The following ABCA1 variants were observed in gnomAD, a reference collection of about 807,000 sequenced individuals.
ABCA1 encodes the protein phospholipid-transporting ATPase ABCA1.
ABCA1 carries 133 observed loss-of-function variants against 262.5 expected under a neutral mutation model. That is an observed-to-expected ratio of 0.51 (90% CI 0.44 to 0.59). ABCA1 has a LOEUF of 0.59. ABCA1 is among the 20% of genes least tolerant of loss of function. The pLI, the probability that ABCA1 is intolerant of heterozygous loss-of-function variation, is 0.00. For missense variants in ABCA1, 2,452 were observed against 2,777.5 expected (o/e 0.88, Z 2.63); for synonymous variants, 1,022 against 1,043.5 (o/e 0.98, Z 0.40).
At chr9:104,887,845 G>A (rs1267320530) in intron 3 of ABCA1, among the ~76,000 whole-genome samples, 2 of 148,098 alleles carry the variant, frequency 1.4e-5, no homozygotes, top group African/African-American at 5.0e-5. Context: ...TCCTGCCTCA[G>A]CCTCCCCAGT....
intron 31 of ABCA1, among the ~76,000 whole-genome samples, 192 bp downstream of exon 31, chr9:104,806,049 G>A (rs941622875): frequency 1.3e-5 from 2 of 152,106 alleles, no homozygotes; most frequent in African/African-American, 4.8e-5. Flanking sequence ...AGGTTGCAGT[G>A]AGGCAAGATC....
chr9:104,865,515 C>CAAAAAA (rs925876847), intron 5 of ABCA1, among the ~76,000 whole-genome samples: 1 of 66,974 alleles, frequency 1.5e-5, no homozygotes, highest in African/African-American at 5.4e-5. Context: ...GACTCTGTCT[C>CAAAAAA]AAAAAAAAAA....
chr9:104,827,635 T>A (rs1278445326), intron 15 of ABCA1, among the ~76,000 whole-genome samples: 1 of 152,180 alleles, frequency 6.6e-6, no homozygotes, highest in Non-Finnish European at 1.5e-5. Flanking sequence ...CAAACTCTTG[T>A]GGATATTTTG....
intron 5 of ABCA1, among the ~76,000 whole-genome samples, chr9:104,865,958 C>T (rs913079103): frequency 2.6e-5 from 4 of 152,020 alleles, no homozygotes; most frequent in African/African-American, 9.7e-5. Flanking sequence ...GATAAGCAAG[C>T]CAAAAGGAGA....
At chr9:104,845,658 C>A in intron 7 of ABCA1, 89 bp from the exon 8 acceptor site, 16 of 902,350 alleles carry the variant, frequency 1.8e-5, no homozygotes, top group East Asian at 5.3e-5. Context: ...AAACTGTTCA[C>A]AATCTTGAGT....
chr9:104,810,971 A>G, intron 28 of ABCA1, 47 bp from the exon 29 acceptor site: 2 of 1,613,254 alleles, frequency 1.2e-6, no homozygotes, highest in Non-Finnish European at 1.7e-6. Flanking sequence ...GGAAACGGCA[A>G]GTGTTAGAAA....
chr9:104,825,981 T>A, intron 16 of ABCA1, 94 bp from the exon 17 acceptor site: 1 of 1,319,038 alleles, frequency 7.6e-7, no homozygotes, highest in East Asian at 2.4e-5. Flanking sequence ...AAATTTGAAT[T>A]TGCAAAATGG....
At chr9:104,791,085 C>T (rs911487430) in intron 43 of ABCA1, 57 bp from the exon 44 acceptor site, 1 of 1,221,122 alleles carries the variant, frequency 8.2e-7, no homozygotes, top group Non-Finnish European at 1.2e-6. Context: ...ATATAAATGC[C>T]CCTAACACGT....
chr9:104,921,737 G>A (rs1274672610), intron 1 of ABCA1, among the ~76,000 whole-genome samples: 1 of 152,090 alleles, frequency 6.6e-6, no homozygotes, highest in African/African-American at 2.4e-5. Flanking sequence ...TCTCCTTGTT[G>A]GACTTATTCA....
At chr9:104,856,528 G>A (rs539826917) in intron 7 of ABCA1, among the ~76,000 whole-genome samples, 2 of 152,166 alleles carry the variant, frequency 1.3e-5, no homozygotes, top group Non-Finnish European at 2.9e-5. Context: ...ACTCTGTCAC[G>A]CTGCTAATCC....
chr9:104,890,448 G>A (rs1839616037), intron 2 of ABCA1, among the ~76,000 whole-genome samples: 1 of 152,120 alleles, frequency 6.6e-6, no homozygotes, highest in East Asian at 1.9e-4. Context: ...GGGCATAGTG[G>A]TGGGTGCATG....
At chr9:104,924,445 A>G (rs1411209244) in intron 1 of ABCA1, among the ~76,000 whole-genome samples, 1 of 152,040 alleles carries the variant, frequency 6.6e-6, no homozygotes, top group African/African-American at 2.4e-5. Context: ...CCCTGTCCCT[A>G]CTAAAAACAC....
At chr9:104,884,341 A>G in intron 4 of ABCA1, 86 bp downstream of exon 4, 1 of 1,544,886 alleles carries the variant, frequency 6.5e-7, no homozygotes, top group Non-Finnish European at 8.9e-7. Context: ...ACTTAAATCC[A>G]GCCATTCAAA....
chr9:104,809,338 C>A, intron 30 of ABCA1, 128 bp downstream of exon 30: 24 of 939,696 alleles, frequency 2.6e-5, no homozygotes, highest in East Asian at 5.4e-5. Context: ...GTAAATAAAA[C>A]ATAATAATAA....
intron 1 of ABCA1, among the ~76,000 whole-genome samples, chr9:104,916,266 G>A (rs1037778183): frequency 5.3e-5 from 8 of 151,946 alleles, no homozygotes; most frequent in African/African-American, 1.7e-4. Flanking sequence ...CATCAACATC[G>A]GGTTTCAGGC....
rs2118575667 is a variant in ABCA1, at chr9:104,927,401, A to G, written c.-93+534T>C. 2.6e-5 allele frequency among the ~76,000 whole-genome samples: 4 copies of G among 152,178 alleles called. No individual in the cohort carries two copies. The South Asian group carries it at 8.3e-4, about 32-fold the overall frequency. On this transcript the variant is annotated intron_variant, in intron 1 of 49. Coordinates refer to ENST00000374736, the MANE Select transcript of ABCA1 (RefSeq NM_005502.4). ...ACCTCCAACTCGAGTTCCCGGATTC[A>G]CAGTCCGGGACTGTGCCGCTCCAGT...
Position 104,903,732 on chromosome 9 carries a change from G to C in ABCA1, c.-53C>G. Reference sequence around the variant, plus strand: ...TGGCTCGGGAGCCCTGGAAGGCAGCGGCCAGAGCTCACAGCAGGGACGCCG... The same window carrying C: ...TGGCTCGGGAGCCCTGGAAGGCAGCCGCCAGAGCTCACAGCAGGGACGCCG... On this transcript the variant is annotated 5_prime_UTR_variant, in exon 2 of 50. Transcript: ENST00000374736. 1 of 1,529,832 alleles carries C rather than the reference G, an allele frequency of 6.5e-7. No individual in the cohort carries two copies. The highest frequency in any genetic ancestry group is 8.9e-7 in the Non-Finnish European group (1 of 1,126,610). 94.8% of individuals were successfully genotyped at this position (1,529,832 alleles called of 1,614,324 possible).
At chr9:104,793,557 C>T (rs1829615508) in intron 40 of ABCA1, among the ~76,000 whole-genome samples, 1 of 151,714 alleles carries the variant, frequency 6.6e-6, no homozygotes, top group Non-Finnish European at 1.5e-5. Context: ...CTGAAGATAT[C>T]TAGTATTTCT....
intron 20 of ABCA1, 66 bp from the exon 21 acceptor site, chr9:104,820,135 C>T (rs1832188905): frequency 1.3e-6 from 2 of 1,599,442 alleles, no homozygotes; most frequent in African/African-American, 2.7e-5. Context: ...TGTCCCCTGG[C>T]CCAGAACAGA....
Sources: gnomAD v4.1 joint callset for allele counts (sites outside exome capture counted in the v4.1 genomes callset) on GRCh38, gnomAD v4.1.1 for gene constraint, MANE v1.5 for transcripts, NCBI Gene and HGNC (gene_info 2026-07-23, HGNC 2026-07-21) for gene names.